The following CYP3A5 variants were observed in gnomAD, a reference collection of about 807,000 sequenced individuals.
The protein encoded by CYP3A5 is cytochrome P450 family 3 subfamily A member 5.
A neutral mutation model predicts 55.9 loss-of-function variants in CYP3A5; 51 were observed. That is an observed-to-expected ratio of 0.91 (90% CI 0.73 to 1.15). CYP3A5 has a LOEUF of 1.15. Ranked by LOEUF, CYP3A5 falls within the 50% of genes most tolerant of loss-of-function variation. CYP3A5 has a pLI of 0.00. For missense variants in CYP3A5, 533 were observed against 596.6 expected (o/e 0.89, Z 1.11); for synonymous variants, 196 against 213.9 (o/e 0.92, Z 0.73).
Position 99,660,647 on chromosome 7 carries a change from A to C in CYP3A5, c.878T>G (p.Leu293Arg). Residue 293 changes from leucine (L) to arginine (R), a missense_variant, in exon 10 of 13, where the codon CTG becomes CGG. Leu to Arg is a moderately radical substitution (Grantham distance 102). Transcript: ENST00000222982. Reference protein sequence around the residue: ...ETESHKALSDLELAAQSIIFI... With the variant: ...ETESHKALSDRELAAQSIIFI... ...GATTATTGACTGGGCTGCGAGCTCC[A>C]GATCAGACAGAGCTGAAAGGAGAGG... is the stretch of plus-strand genomic sequence containing the variant. 1 of 1,613,874 alleles carries C rather than the reference A, an allele frequency of 6.2e-7. No homozygotes were observed. The highest frequency in any genetic ancestry group is 1.3e-5 in the African/African-American group (1 of 75,034).
chr7:99,648,495 GC>G, intron 12 of CYP3A5, 95 bp from the exon 13 acceptor site: 2 of 764,338 alleles, frequency 2.6e-6, no homozygotes, highest in Non-Finnish European at 2.0e-6. Context: ...AAAATGCTTT[GC>G]AAGCATATAA....
intron 12 of CYP3A5, 35 bp from the exon 13 acceptor site, chr7:99,648,435 A>G: frequency 6.5e-7 from 1 of 1,533,846 alleles, no homozygotes; most frequent in Non-Finnish European, 8.9e-7. Context: ...GAGAATTAAT[A>G]AATGAAGTGA....
chr7:99,660,454 T>C lies in CYP3A5; in HGVS notation c.1026+45A>G, dbSNP rs1810315839. Reference sequence around the variant, plus strand: ...GGGAGTGGTGAGGAGGCATTTTTGCTAAGGCTTCACCTCTTCCCTTCATCT... The same window carrying C: ...GGGAGTGGTGAGGAGGCATTTTTGCCAAGGCTTCACCTCTTCCCTTCATCT... On this transcript the variant is annotated intron_variant, in intron 10 of 12. Coordinates refer to ENST00000222982, the MANE Select transcript of CYP3A5 (RefSeq NM_000777.5). 6 of 1,536,332 alleles carry C rather than the reference T, an allele frequency of 3.9e-6. No individual in the cohort carries two copies. In the South Asian group the frequency reaches 6.3e-5, roughly 16 times the overall value.
chr7:99,672,005 A>C (rs1360269895), intron 4 of CYP3A5: 1 of 587,584 alleles, frequency 1.7e-6, no homozygotes, highest in Middle Eastern at 3.8e-4. Context: ...GTACTATAGT[A>C]TTAGGTTGGT....
intron 10 of CYP3A5, chr7:99,660,213 CCT>C: frequency 1.1e-5 from 7 of 653,722 alleles, no homozygotes; most frequent in Non-Finnish European, 1.1e-5. Flanking sequence ...TCGCCACACT[CCT>C]TTTTTTTTTT....
intron 10 of CYP3A5, among the ~76,000 whole-genome samples, chr7:99,658,193 TTGGCA>T (rs1490028172): frequency 1.3e-5 from 2 of 152,210 alleles, no homozygotes; most frequent in Admixed American, 1.3e-4. Context: ...TCTTTACAAT[TTGGCA>T]TGTTTTTGCA....
chr7:99,666,097 C>T (rs1219858385), intron 6 of CYP3A5, among the ~76,000 whole-genome samples: 3 of 152,148 alleles, frequency 2.0e-5, no homozygotes, highest in Non-Finnish European at 2.9e-5. Flanking sequence ...GCATTTCTAG[C>T]ACCCTTTCTT....
chr7:99,649,562 CAG>C (rs933337270), intron 12 of CYP3A5, among the ~76,000 whole-genome samples: 76 of 152,254 alleles, frequency 5.0e-4, no homozygotes, highest in African/African-American at 1.8e-3. Context: ...GAGAACTAAT[CAG>C]GGGTTCACCC....
intron 10 of CYP3A5, among the ~76,000 whole-genome samples, chr7:99,655,507 T>C (rs537153285): frequency 1.3e-5 from 2 of 152,348 alleles, no homozygotes; most frequent in South Asian, 2.1e-4. Flanking sequence ...TGAAGTCAGG[T>C]AGCATGATGC....
chr7:99,664,095 A>G lies in CYP3A5; in HGVS notation c.671T>C (p.Ile224Thr), dbSNP rs1810726092. ...GFLDPLFLSI[I>T]LFPFLTPVFE... ...AACTGGGGTAAGGAATGGAAAGAGT[A>G]CTGTGGGAAAAACAAAACAAACAAA... Residue 224 changes from isoleucine (I) to threonine (T), a missense_variant and splice_region_variant, in exon 8 of 13, where the codon ATA becomes ACA. By Grantham distance (89) the Ile-to-Thr change is moderately conservative. Coordinates refer to ENST00000222982, the MANE Select transcript of CYP3A5 (RefSeq NM_000777.5). The G allele has an allele frequency of 1.3e-6, 2 of 1,571,336 alleles. No individual in the cohort carries two copies. Among genetic ancestry groups the G allele is most frequent in the Admixed American group, 2.2e-5 (1 of 46,332 alleles).
In CYP3A5 at chr7:99,665,279, C is replaced by G. The variant is rs962504304; in HGVS notation, c.557G>C (p.Gly186Ala). The change falls in exon 7 of 13, where the codon GGC (glycine) becomes GCC (alanine). Residue 186 changes from glycine to alanine, a missense_variant. Transcript: ENST00000222982. ...FGAYSMDVIT[G>A]TSFGVNIDSL... ...GTCGATGTTCACTCCAAATGATGTG[C>G]CAGTAATCACATCCATGCTGTAGGC... 6.5e-5 allele frequency: 105 copies of G among 1,613,952 alleles called. No homozygotes were observed. The highest frequency in any genetic ancestry group is 8.7e-5 in the Non-Finnish European group (103 of 1,179,980).
intron 10 of CYP3A5, among the ~76,000 whole-genome samples, chr7:99,658,221 A>G (rs1377323514): frequency 6.6e-6 from 1 of 152,070 alleles, no homozygotes; most frequent in Admixed American, 6.6e-5. Flanking sequence ...GGCTGGTACC[A>G]GTTGTTCCTT....
chr7:99,670,075 A>G (rs73408555), intron 4 of CYP3A5, among the ~76,000 whole-genome samples: 2,588 of 152,296 alleles, frequency 0.017, 67 homozygotes, highest in African/African-American at 0.057. Context: ...GAATTCCTTA[A>G]AAGTATGGAT....
At position 99,666,991 on chromosome 7, in the gene CYP3A5, T is replaced by C. The variant is rs750841530; in HGVS notation, c.393A>G (p.Ser131=). 8 of 1,614,146 alleles carry C rather than the reference T, an allele frequency of 5.0e-6. No homozygotes were observed. The highest frequency in any genetic ancestry group is 5.9e-6 in the Non-Finnish European group (7 of 1,180,006). Residue 131 remains serine (S), a synonymous_variant, in exon 5 of 13, where the codon TCA becomes TCG. Coordinates refer to ENST00000222982, the MANE Select transcript of CYP3A5 (RefSeq NM_000777.5). Reference sequence around the variant, plus strand: ...CGCTGGTGAAGGTTGGAGACAGCAATGACCGTATTCTCTTCCATTCTTCAT... The same window carrying C: ...CGCTGGTGAAGGTTGGAGACAGCAACGACCGTATTCTCTTCCATTCTTCAT... The part of the protein sequence containing the change: ...AEDEEWKRIR[S]LLSPTFTSGK...
At chr7:99,670,345 A>G (rs566644516) in intron 4 of CYP3A5, among the ~76,000 whole-genome samples, 4 of 152,332 alleles carry the variant, frequency 2.6e-5, no homozygotes, top group East Asian at 1.9e-4. Flanking sequence ...ACAGCATTCC[A>G]TATGAAACTG....
At chr7:99,654,476 T>G (rs1809513313) in intron 10 of CYP3A5, among the ~76,000 whole-genome samples, 1 of 152,252 alleles carries the variant, frequency 6.6e-6, no homozygotes. Context: ...TAATCCAGTC[T>G]ATCATTATTG....
chr7:99,666,101 C>T (rs558469655), intron 6 of CYP3A5, among the ~76,000 whole-genome samples: 2 of 152,266 alleles, frequency 1.3e-5, no homozygotes, highest in African/African-American at 4.8e-5. Context: ...TTCTAGCACC[C>T]TTTCTTTTTT....
intron 1 of CYP3A5, among the ~76,000 whole-genome samples, chr7:99,677,440 C>T (rs1201148973): frequency 1.3e-5 from 2 of 152,180 alleles, no homozygotes; most frequent in Non-Finnish European, 2.9e-5. Context: ...CAGGTACTTT[C>T]CTGTTGATAG....
At chr7:99,673,876 A>G (rs1415808600) in intron 3 of CYP3A5, among the ~76,000 whole-genome samples, 1 of 152,230 alleles carries the variant, frequency 6.6e-6, no homozygotes, top group African/African-American at 2.4e-5. Flanking sequence ...AAACCTGCAG[A>G]AAAGTGGTAA....
Sources: allele counts gnomAD v4.1 joint callset (sites outside exome capture counted in the v4.1 genomes callset), GRCh38; gene constraint gnomAD v4.1.1; transcripts MANE v1.5; gene names NCBI Gene and HGNC (gene_info 2026-07-23, HGNC 2026-07-21).